Variants in RMDN2 observed in about 807,000 individuals in gnomAD.
RMDN2 encodes the protein regulator of microtubule dynamics protein 2.
A neutral mutation model predicts 52.8 loss-of-function variants in RMDN2; 61 were observed. The ratio of observed to expected loss-of-function variants is 1.16; its 90% CI spans 0.94 to 1.43. RMDN2 has a LOEUF of 1.43. Ranked by LOEUF, RMDN2 falls within the 40% of genes most tolerant of loss-of-function variation. The pLI is 0.00. For missense variants in RMDN2, 592 were observed against 475.3 expected, an observed-to-expected ratio of 1.25 and a Z score of -2.28; for synonymous variants, 180 against 153.1, an observed-to-expected ratio of 1.18 and a Z score of -1.30.
At chr2:37,967,657 A>G (rs997963900) in intron 2 of RMDN2, among the ~76,000 whole-genome samples, 3 of 152,242 alleles carry the variant, frequency 2.0e-5, no homozygotes, top group African/African-American at 7.2e-5. Context: ...GCATCATCAG[A>G]GTATTCTTCT....
intron 8 of RMDN2, among the ~76,000 whole-genome samples, chr2:38,000,432 G>A (rs187302895): frequency 1.3e-5 from 2 of 152,176 alleles, no homozygotes; most frequent in Admixed American, 6.5e-5. Flanking sequence ...AACCACCACT[G>A]TAACCACCAC....
intron 2 of RMDN2, among the ~76,000 whole-genome samples, chr2:37,960,815 C>G (rs1294810896): frequency 6.6e-6 from 1 of 152,174 alleles, no homozygotes; most frequent in Non-Finnish European, 1.5e-5. Context: ...TATGTTTTTG[C>G]AGTGGCTGGT....
At chr2:37,970,085 A>T (rs375702960) in intron 2 of RMDN2, among the ~76,000 whole-genome samples, 1 of 152,094 alleles carries the variant, frequency 6.6e-6, no homozygotes, top group African/African-American at 2.4e-5. Context: ...GGTGTGGGCC[A>T]CTAAACCCAG....
At chr2:37,997,659 A>G in intron 8 of RMDN2, 145 bp downstream of exon 8, 1 of 616,016 alleles carries the variant, frequency 1.6e-6, no homozygotes, top group Non-Finnish European at 2.9e-6. Context: ...AGCCCCTCAT[A>G]ATGCAAGTTA....
intron 10 of RMDN2, among the ~76,000 whole-genome samples, chr2:38,023,808 A>C (rs1452518849): frequency 6.6e-6 from 1 of 152,078 alleles, no homozygotes; most frequent in African/African-American, 2.4e-5. Flanking sequence ...ATACAAAAAA[A>C]CTGCATGTAT....
Position 38,017,317 on chromosome 2 carries a change from C to A in RMDN2, c.*78C>A. On this transcript the variant is annotated 3_prime_UTR_variant, in exon 11 of 11. Transcript: ENST00000354545. Reference sequence around the variant, plus strand: ...GAATCAAAGTTGTGCTTTTATTATCCTTCATTTTTGATGTAAGGGTATTGT... The same window carrying A: ...GAATCAAAGTTGTGCTTTTATTATCATTCATTTTTGATGTAAGGGTATTGT... 1 of 1,450,300 alleles carries A rather than the reference C, an allele frequency of 6.9e-7. No individual in the cohort carries two copies. Among genetic ancestry groups the A allele is most frequent in the Non-Finnish European group, 9.1e-7 (1 of 1,096,182 alleles). The allele number at this position is 1,450,300 out of a possible 1,614,324, so 89.8% of individuals were successfully genotyped here. A position where few individuals can be genotyped will look rare whatever the true frequency, so the allele number is the denominator to read the frequency against.
At chr2:37,998,209 AACCT>A (rs955445334) in intron 8 of RMDN2, 5 of 152,056 alleles carry the variant, frequency 3.3e-5, no homozygotes, top group Non-Finnish European at 7.4e-5. Flanking sequence ...TTTCCTTCCC[AACCT>A]ACCTACTTCA....
At chr2:37,991,583 T>A (rs1674796466) in intron 7 of RMDN2, among the ~76,000 whole-genome samples, 1 of 152,178 alleles carries the variant, frequency 6.6e-6, no homozygotes, top group Non-Finnish European at 1.5e-5. Flanking sequence ...ATATGTGATC[T>A]TTTTCTTTCC....
At chr2:37,970,918 G>A (rs368294393) in intron 2 of RMDN2, among the ~76,000 whole-genome samples, 27 of 151,904 alleles carry the variant, frequency 1.8e-4, no homozygotes, top group East Asian at 1.2e-3. Context: ...TTTTATTGTC[G>A]AATTGTTAAG....
chr2:38,037,985 T>G (rs1680698624), intron 10 of RMDN2, among the ~76,000 whole-genome samples: 1 of 152,172 alleles, frequency 6.6e-6, no homozygotes, highest in Non-Finnish European at 1.5e-5. Flanking sequence ...TTCTGTAGCC[T>G]GCAAACCCCT....
chr2:37,972,400 A>T (rs933689962), intron 2 of RMDN2, among the ~76,000 whole-genome samples: 1 of 152,184 alleles, frequency 6.6e-6, no homozygotes, highest in East Asian at 1.9e-4. Context: ...TAAAGCAGGA[A>T]CATGACTGAT....
At chr2:37,967,234 C>G (rs1025725990) in intron 2 of RMDN2, among the ~76,000 whole-genome samples, 1 of 152,302 alleles carries the variant, frequency 6.6e-6, no homozygotes, top group East Asian at 1.9e-4. Flanking sequence ...TCTGTTTATA[C>G]TATTCTGACT....
intron 2 of RMDN2, among the ~76,000 whole-genome samples, chr2:37,938,497 G>C: frequency 6.6e-6 from 1 of 152,220 alleles, no homozygotes; most frequent in Non-Finnish European, 1.5e-5. Flanking sequence ...ACCTCTGGTA[G>C]AATTCAGCTG....
intron 2 of RMDN2, 22 bp downstream of exon 2, chr2:37,929,751 C>T: frequency 7.0e-7 from 1 of 1,431,394 alleles, no homozygotes; most frequent in Non-Finnish European, 9.3e-7. Context: ...TAAGATATTT[C>T]CTATGTTGAA....
Position 38,002,683 on chromosome 2 carries a change from G to A in RMDN2, c.1045-1308G>A, listed in dbSNP as rs35660259. Reference sequence around the variant, plus strand: ...TTGCCTATACTTGGCAAAGAGTCTGGTAGGTTACATGTCAAACGGCTGATA... The same window carrying A: ...TTGCCTATACTTGGCAAAGAGTCTGATAGGTTACATGTCAAACGGCTGATA... On this transcript the variant is annotated intron_variant, in intron 8 of 10. Transcript: ENST00000354545. 2.7e-3 allele frequency among the ~76,000 whole-genome samples: 409 copies of A among 152,292 alleles called. 1 individual carries two copies. Among genetic ancestry groups the A allele is most frequent in the Non-Finnish European group, 4.6e-3 (312 of 68,014 alleles).
chr2:38,046,641 C>G (rs1681286869), intron 10 of RMDN2, among the ~76,000 whole-genome samples: 1 of 152,086 alleles, frequency 6.6e-6, no homozygotes, highest in African/African-American at 2.4e-5. Flanking sequence ...GAAAAAAAGA[C>G]TTCTTATATT....
intron 2 of RMDN2, among the ~76,000 whole-genome samples, chr2:37,964,725 G>A (rs115556047): frequency 0.012 from 1,763 of 152,238 alleles, 33 homozygotes; most frequent in African/African-American, 0.04. Context: ...TGATGTTTAA[G>A]TCCTCTATTT....
At chr2:38,020,592 G>A (rs1476812726), downstream of RMDN2, among the ~76,000 whole-genome samples, 1 of 152,220 alleles carries the variant, frequency 6.6e-6, no homozygotes, top group Non-Finnish European at 1.5e-5. Context: ...GGCTTGGCGG[G>A]CCCCACACTG....
intron 2 of RMDN2, among the ~76,000 whole-genome samples, chr2:37,959,248 T>C (rs1010377450): frequency 3.3e-5 from 5 of 151,050 alleles, no homozygotes; most frequent in Non-Finnish European, 1.5e-5. Flanking sequence ...TCTTTGTACC[T>C]CTGGTAGAAT....
Sources: gnomAD v4.1 joint callset for allele counts (sites outside exome capture counted in the v4.1 genomes callset) on GRCh38, gnomAD v4.1.1 for gene constraint, MANE v1.5 for transcripts, NCBI Gene and HGNC (gene_info 2026-07-23, HGNC 2026-07-21) for gene names.